Variants in ADAMTSL3 observed in about 807,000 individuals in gnomAD.
The protein encoded by ADAMTSL3 is ADAMTS like 3, also known as ADAMTS-like protein 3.
In ADAMTSL3, 128 loss-of-function variants were observed where a neutral mutation model predicts 201.7. That is an observed-to-expected ratio of 0.63 (90% confidence interval 0.55 to 0.73). The LOEUF (loss-of-function observed/expected upper bound fraction) is 0.73, where lower values mean the gene tolerates loss of function less well. Ranked by LOEUF, ADAMTSL3 falls within the 30% of genes least tolerant of loss-of-function variation. ADAMTSL3 has a pLI of 0.00. For synonymous variants in ADAMTSL3, 738 were observed against 748.4 expected (o/e 0.99, Z 0.23); for missense variants, 1,990 against 2,119.6 (o/e 0.94, Z 1.20).
At chr15:83,959,977 A>G (rs1043952745) in intron 19 of ADAMTSL3, among the ~76,000 whole-genome samples, 2 of 152,174 alleles carry the variant, frequency 1.3e-5, no homozygotes, top group East Asian at 3.9e-4. Context: ...CAGTTATTTA[A>G]CCACTTTTAT....
At chr15:83,669,605 C>G (rs1332384253) in intron 2 of ADAMTSL3, among the ~76,000 whole-genome samples, 1 of 148,008 alleles carries the variant, frequency 6.8e-6, no homozygotes, top group Non-Finnish European at 1.5e-5. Flanking sequence ...GTAGCTGGGA[C>G]TACAGGTGCC....
In ADAMTSL3 at chr15:83,939,808, G is replaced by A. The variant is rs368828019; in HGVS notation, c.2118-2788G>A. On this transcript the variant is annotated intron_variant, in intron 17 of 29. Transcript: ENST00000286744. Reference sequence around the variant, plus strand: ...AGCAAATTTTTGTGTTTTCAGTGGCGATGGGGTTTCACCATGTTGGCCAGG... The same window carrying A: ...AGCAAATTTTTGTGTTTTCAGTGGCAATGGGGTTTCACCATGTTGGCCAGG... Among the ~76,000 whole-genome samples, 64 of 152,082 alleles carry A rather than the reference G, an allele frequency of 4.2e-4. No homozygotes were observed. The South Asian group carries it at 5.4e-3, about 13-fold the overall frequency.
intron 7 of ADAMTSL3, among the ~76,000 whole-genome samples, chr15:83,841,499 C>T (rs1381108300): frequency 1.3e-5 from 2 of 152,162 alleles, no homozygotes; most frequent in East Asian, 1.9e-4. Context: ...GGAATAACAA[C>T]AGTACTGCCT....
rs752963425 is a variant in ADAMTSL3, at chr15:83,655,809, C to A, written c.48C>A (p.Phe16Leu). ...SPWWVLIGMV[F>L]MHSPLPQTTA... ...GGTGGGTGCTGATAGGGATGGTCTT[C>A]ATGCACTCTCCCCTCCCGCAGGTAA... Residue 16 changes from phenylalanine to leucine, a missense_variant, in exon 2 of 30, where the codon TTC (phenylalanine) becomes TTA (leucine). By Grantham distance (22) the Phe-to-Leu change is conservative. Transcript: ENST00000286744. 18 of 1,614,100 alleles carry A rather than the reference C, an allele frequency of 1.1e-5. No homozygotes were observed. The South Asian group carries it at 1.8e-4, about 16-fold the overall frequency.
At chr15:83,668,636 A>G (rs1195020313) in intron 2 of ADAMTSL3, among the ~76,000 whole-genome samples, 6 of 152,046 alleles carry the variant, frequency 3.9e-5, no homozygotes, top group African/African-American at 1.4e-4. Context: ...TTAAACTCAT[A>G]TTTCTACCTG....
chr15:83,784,585 T>C (rs2141803058), intron 4 of ADAMTSL3, among the ~76,000 whole-genome samples: 1 of 152,280 alleles, frequency 6.6e-6, no homozygotes, highest in East Asian at 1.9e-4. Context: ...ACAATCTCTA[T>C]TTAAAATCTT....
intron 9 of ADAMTSL3, among the ~76,000 whole-genome samples, chr15:83,884,309 T>C (rs555387324): frequency 3.3e-4 from 50 of 151,444 alleles, no homozygotes; most frequent in African/African-American, 1.2e-3. Flanking sequence ...CTAATTAACA[T>C]ATATGTTACC....
intron 4 of ADAMTSL3, among the ~76,000 whole-genome samples, chr15:83,787,638 GGCAA>G (rs1204022677): frequency 6.6e-6 from 1 of 151,892 alleles, no homozygotes; most frequent in East Asian, 1.9e-4. Flanking sequence ...ACCCACCAGG[GGCAA>G]CTACTGTTAA....
At chr15:83,920,673 A>T (rs972874206) in intron 16 of ADAMTSL3, among the ~76,000 whole-genome samples, 4 of 152,314 alleles carry the variant, frequency 2.6e-5, no homozygotes, top group Admixed American at 1.3e-4. Flanking sequence ...GTTATATATA[A>T]TATAGCATTA....
intron 25 of ADAMTSL3, among the ~76,000 whole-genome samples, chr15:84,019,001 T>G (rs2068141576): frequency 6.6e-6 from 1 of 151,700 alleles, no homozygotes; most frequent in East Asian, 1.9e-4. Flanking sequence ...AACATATGTC[T>G]GATGAAGAAC....
intron 21 of ADAMTSL3, among the ~76,000 whole-genome samples, chr15:83,983,577 A>C (rs552577657): frequency 1.2e-3 from 181 of 152,362 alleles, no homozygotes; most frequent in African/African-American, 4.1e-3. Flanking sequence ...GACTGGATCC[A>C]GCAAGAATAA....
At chr15:83,660,671 G>A (rs1420855831) in intron 2 of ADAMTSL3, among the ~76,000 whole-genome samples, 2 of 152,188 alleles carry the variant, frequency 1.3e-5, no homozygotes, top group South Asian at 4.1e-4. Context: ...GGAATCTTAG[G>A]AAGATCCAGT....
intron 14 of ADAMTSL3, among the ~76,000 whole-genome samples, chr15:83,898,426 A>G (rs960525402): frequency 2.6e-5 from 4 of 152,186 alleles, no homozygotes; most frequent in Non-Finnish European, 4.4e-5. Context: ...TCTTTTCCCA[A>G]GATTCTCATT....
chr15:83,801,642 AT>A, intron 4 of ADAMTSL3, among the ~76,000 whole-genome samples: 2 of 24,412 alleles, frequency 8.2e-5, no homozygotes, highest in Admixed American at 6.5e-4. Context: ...ATATAAATAT[AT>A]AAATATAAAT....
chr15:83,706,108 T>C (rs946056814), intron 3 of ADAMTSL3, among the ~76,000 whole-genome samples: 1 of 152,048 alleles, frequency 6.6e-6, no homozygotes, highest in East Asian at 1.9e-4. Flanking sequence ...CTCCTTTTAA[T>C]CCAGAAATCA....
intron 24 of ADAMTSL3, 99 bp from the exon 25 acceptor site, chr15:84,016,284 A>T: frequency 1.2e-6 from 1 of 843,250 alleles, no homozygotes; most frequent in East Asian, 2.6e-5. Context: ...ATTATTATAG[A>T]GGACTCATTT....
At chr15:83,930,773 A>T (rs1279899882) in intron 17 of ADAMTSL3, among the ~76,000 whole-genome samples, 1 of 152,238 alleles carries the variant, frequency 6.6e-6, no homozygotes, top group African/African-American at 2.4e-5. Flanking sequence ...AGAGACAAAG[A>T]TTTGATGCCA....
At chr15:84,023,593 T>C (rs1343815629) in intron 26 of ADAMTSL3, among the ~76,000 whole-genome samples, 1 of 152,224 alleles carries the variant, frequency 6.6e-6, no homozygotes, top group East Asian at 1.9e-4. Flanking sequence ...AAACTCATGC[T>C]TCAGTAACTT....
At chr15:83,720,318 A>G (rs938656120) in intron 3 of ADAMTSL3, among the ~76,000 whole-genome samples, 2 of 152,176 alleles carry the variant, frequency 1.3e-5, no homozygotes, top group Non-Finnish European at 2.9e-5. Context: ...AAAAATATCA[A>G]ATTCACTAGA....
Sources: gnomAD v4.1 joint callset for allele counts (sites outside exome capture counted in the v4.1 genomes callset) on GRCh38, gnomAD v4.1.1 for gene constraint, MANE v1.5 for transcripts, NCBI Gene and HGNC (gene_info 2026-07-23, HGNC 2026-07-21) for gene names.